WIPF3: variants seen among roughly 807,000 people sequenced by gnomAD.
WIPF3 encodes WAS/WASL interacting protein family member 3.
In WIPF3, 33 loss-of-function variants were observed where a neutral mutation model predicts 38.9. That is an observed-to-expected ratio of 0.85 (90% confidence interval 0.64 to 1.14). The LOEUF (loss-of-function observed/expected upper bound fraction) is 1.14. Ranked by LOEUF, WIPF3 falls within the 50% of genes most tolerant of loss-of-function variation. The pLI is 0.00. For synonymous variants in WIPF3, 324 were observed against 269.3 expected (o/e 1.20, Z -1.99); for missense variants, 711 against 652.5 (o/e 1.09, Z -0.98).
At chr7:29,869,857 C>T (rs1785465065) in intron 2 of WIPF3, among the ~76,000 whole-genome samples, 2 of 152,128 alleles carry the variant, frequency 1.3e-5, no homozygotes, top group Non-Finnish European at 2.9e-5. Flanking sequence ...TGCTTGATAA[C>T]ACTGGTTTGG....
At chr7:29,877,240 A>C (rs1277196388) in intron 3 of WIPF3, among the ~76,000 whole-genome samples, 1 of 152,248 alleles carries the variant, frequency 6.6e-6, no homozygotes, top group African/African-American at 2.4e-5. Flanking sequence ...TTGTTGATGA[A>C]GCAGATGACT....
intron 1 of WIPF3, among the ~76,000 whole-genome samples, chr7:29,813,537 A>G (rs577752890): frequency 6.6e-6 from 1 of 152,200 alleles, no homozygotes; most frequent in South Asian, 2.1e-4. Context: ...TCCGTAACTT[A>G]TGGCACAATT....
At chr7:29,862,335 G>A (rs189039064) in intron 2 of WIPF3, among the ~76,000 whole-genome samples, 30 of 152,124 alleles carry the variant, frequency 2.0e-4, no homozygotes, top group Non-Finnish European at 2.6e-4. Flanking sequence ...GGTTGTTTCC[G>A]GATGTCTAAA....
intron 2 of WIPF3, among the ~76,000 whole-genome samples, chr7:29,875,528 G>T (rs1326305917): frequency 6.6e-6 from 1 of 152,138 alleles, no homozygotes; most frequent in Non-Finnish European, 1.5e-5. Flanking sequence ...AAGCCCTGGG[G>T]TGGGGAGTGT....
chr7:29,864,900 CTT>C (rs994622670), intron 2 of WIPF3, among the ~76,000 whole-genome samples: 1 of 152,144 alleles, frequency 6.6e-6, no homozygotes, highest in Non-Finnish European at 1.5e-5. Flanking sequence ...CCAGGGATTT[CTT>C]TTTATTGGAT....
chr7:29,893,814 A>G (rs1052569459), intron 7 of WIPF3, among the ~76,000 whole-genome samples: 11 of 152,204 alleles, frequency 7.2e-5, no homozygotes, highest in Non-Finnish European at 1.5e-4. Flanking sequence ...CGTTCATGCC[A>G]TAAGCCCCAC....
At chr7:29,872,722 G>A (rs1184000621) in intron 2 of WIPF3, among the ~76,000 whole-genome samples, 1 of 148,146 alleles carries the variant, frequency 6.8e-6, no homozygotes, top group Non-Finnish European at 1.5e-5. Context: ...CGTGAACCCG[G>A]GAAGCGGAGC....
rs1461617060 is a variant in WIPF3, at chr7:29,867,200, G to A, written c.91-8630G>A. On this transcript the variant is annotated intron_variant, in intron 2 of 8. Coordinates refer to ENST00000242140, the MANE Select transcript of WIPF3 (RefSeq NM_001080529.3). ...CCTTTACCCAAACGCCAAAGTCACC[G>A]CTGTGTGCACTCTAAGTAGAGAGAA... 2.6e-5 allele frequency among the ~76,000 whole-genome samples: 4 copies of A among 152,228 alleles called. 1 individual carries two copies. Among genetic ancestry groups the A allele is most frequent in the Middle Eastern group, 6.8e-3 (2 of 294 alleles).
chr7:29,857,813 G>C (rs1034403173), intron 2 of WIPF3, among the ~76,000 whole-genome samples: 1 of 152,104 alleles, frequency 6.6e-6, no homozygotes, highest in Admixed American at 6.5e-5. Context: ...CAGCAAAATT[G>C]AGCACAAAGT....
At chr7:29,875,431 C>A (rs1785569711) in intron 2 of WIPF3, among the ~76,000 whole-genome samples, 2 of 152,130 alleles carry the variant, frequency 1.3e-5, no homozygotes, top group African/African-American at 4.8e-5. Context: ...GGGAATCAGT[C>A]AAGGATTTGG....
intron 1 of WIPF3, among the ~76,000 whole-genome samples, chr7:29,821,439 C>G (rs909075204): frequency 3.3e-5 from 5 of 152,108 alleles, no homozygotes; most frequent in African/African-American, 9.7e-5. Context: ...GGACAAGACA[C>G]ACGCCACCAT....
At chr7:29,853,308 G>A (rs1242236924) in intron 2 of WIPF3, among the ~76,000 whole-genome samples, 1 of 152,220 alleles carries the variant, frequency 6.6e-6, no homozygotes, top group African/African-American at 2.4e-5. Context: ...AGCTAGCCCA[G>A]AGGGGAGGTG....
At chr7:29,849,176 T>G (rs1785050706) in intron 2 of WIPF3, among the ~76,000 whole-genome samples, 3 of 152,144 alleles carry the variant, frequency 2.0e-5, no homozygotes, top group South Asian at 2.1e-4. Flanking sequence ...GTTAAGGTTT[T>G]ATTGTGTTGT....
At chr7:29,871,492 G>T (rs1006071714) in intron 2 of WIPF3, among the ~76,000 whole-genome samples, 6 of 152,224 alleles carry the variant, frequency 3.9e-5, no homozygotes, top group Non-Finnish European at 7.3e-5. Flanking sequence ...TTGGACCCTT[G>T]TTGAGAGAAA....
At chr7:29,811,469 T>C (rs1784376959) in intron 1 of WIPF3, among the ~76,000 whole-genome samples, 1 of 152,118 alleles carries the variant, frequency 6.6e-6, no homozygotes, top group African/African-American at 2.4e-5. Context: ...GAATAGATCA[T>C]AAGTTGTGGA....
intron 2 of WIPF3, among the ~76,000 whole-genome samples, chr7:29,837,372 A>C (rs1028531805): frequency 1.3e-5 from 2 of 152,228 alleles, no homozygotes; most frequent in African/African-American, 4.8e-5. Context: ...ACAAACAAAC[A>C]AACAAATGAA....
At chr7:29,896,529 T>C (rs546572411) in intron 7 of WIPF3, among the ~76,000 whole-genome samples, 1 of 152,226 alleles carries the variant, frequency 6.6e-6, no homozygotes, top group African/African-American at 2.4e-5. Flanking sequence ...GGTGGGAGGA[T>C]TGCTTGAGCC....
At chr7:29,893,784 C>A (rs1055737783) in intron 7 of WIPF3, among the ~76,000 whole-genome samples, 1 of 152,142 alleles carries the variant, frequency 6.6e-6, no homozygotes, top group East Asian at 1.9e-4. Context: ...TCCCCTGAGG[C>A]AGGGTTTGCT....
intron 2 of WIPF3, among the ~76,000 whole-genome samples, chr7:29,865,919 G>A (rs1260125077): frequency 6.6e-6 from 1 of 152,198 alleles, no homozygotes; most frequent in Non-Finnish European, 1.5e-5. Flanking sequence ...AGCACTTTGG[G>A]AGGCCGAGGC....
Sources: gnomAD v4.1 joint callset for allele counts (sites outside exome capture counted in the v4.1 genomes callset) on GRCh38, gnomAD v4.1.1 for gene constraint, MANE v1.5 for transcripts, NCBI Gene and HGNC (gene_info 2026-07-23, HGNC 2026-07-21) for gene names.